The following FAF1 variants were observed in gnomAD, a reference collection of about 807,000 sequenced individuals.
FAF1 encodes Fas associated factor 1.
A neutral mutation model predicts 92.5 loss-of-function variants in FAF1; 25 were observed. That is an observed-to-expected ratio of 0.27 (90% confidence interval 0.20 to 0.38). The LOEUF (loss-of-function observed/expected upper bound fraction) is 0.38. FAF1 is among the 10% of genes least tolerant of loss of function. The pLI is 1.00. For synonymous variants in FAF1, 234 were observed against 273.2 expected, an observed-to-expected ratio of 0.86 and a Z score of 1.42; for missense variants, 636 against 793.3, an observed-to-expected ratio of 0.80 and a Z score of 2.38.
chr1:50,603,839 T>C (rs1652257946), intron 8 of FAF1, among the ~76,000 whole-genome samples: 1 of 152,222 alleles, frequency 6.6e-6, no homozygotes, highest in African/African-American at 2.4e-5. Flanking sequence ...AAGTGACTAA[T>C]AATATTCTGG....
intron 8 of FAF1, among the ~76,000 whole-genome samples, chr1:50,645,862 T>A (rs1654553956): frequency 6.6e-6 from 1 of 151,480 alleles, no homozygotes; most frequent in Non-Finnish European, 1.5e-5. Flanking sequence ...AAAAAATAAA[T>A]CGGTGTGAAT....
chr1:50,932,593 C>T (rs1160983167), intron 1 of FAF1, among the ~76,000 whole-genome samples: 1 of 152,226 alleles, frequency 6.6e-6, no homozygotes, highest in Non-Finnish European at 1.5e-5. Context: ...GGTGCTTTCA[C>T]AGGCTGGCAC....
intron 3 of FAF1, among the ~76,000 whole-genome samples, chr1:50,792,719 AGGGAATCTGTAT>A (rs1259850650): frequency 6.6e-6 from 1 of 152,232 alleles, no homozygotes; most frequent in Admixed American, 6.5e-5. Context: ...TACATTAGTA[AGGGAATCTGTAT>A]TTGAAAAACT....
chr1:50,515,517 A>G (rs868612565), intron 15 of FAF1, among the ~76,000 whole-genome samples: 46 of 152,316 alleles, frequency 3.0e-4, no homozygotes, highest in African/African-American at 1.1e-3. Flanking sequence ...CTCAAAGACC[A>G]TAGTTTGAAA....
chr1:50,441,987 T>A (rs906403108), intron 18 of FAF1, among the ~76,000 whole-genome samples: 2 of 151,428 alleles, frequency 1.3e-5, no homozygotes, highest in Non-Finnish European at 2.9e-5. Context: ...ACGATGAAGA[T>A]CTCCCCTGGT....
chr1:50,920,775 G>A (rs1644956103), intron 1 of FAF1, among the ~76,000 whole-genome samples: 1 of 152,080 alleles, frequency 6.6e-6, no homozygotes, highest in Non-Finnish European at 1.5e-5. Flanking sequence ...ATCAGCAGAA[G>A]GACATCTATG....
intron 17 of FAF1, among the ~76,000 whole-genome samples, chr1:50,478,865 A>T (rs1051535634): frequency 6.6e-5 from 10 of 152,190 alleles, no homozygotes; most frequent in Non-Finnish European, 1.3e-4. Context: ...TAATTGTTTT[A>T]AAGTTTTTAT....
intron 8 of FAF1, among the ~76,000 whole-genome samples, chr1:50,610,407 T>C (rs1652635055): frequency 6.6e-6 from 1 of 152,246 alleles, no homozygotes. Context: ...AGTTTTCTGT[T>C]ATTAAAACTA....
chr1:50,953,595 A>G (rs1377955312), intron 1 of FAF1, among the ~76,000 whole-genome samples: 1 of 151,856 alleles, frequency 6.6e-6, no homozygotes, highest in African/African-American at 2.4e-5. Context: ...AAAATTAGCC[A>G]GGCGTAGTTG....
rs978052014 is a variant in FAF1, at chr1:50,909,521, G to T, written c.45+50246C>A. Among the ~76,000 whole-genome samples, 7 of 152,300 alleles carry T rather than the reference G, an allele frequency of 4.6e-5. No individual in the cohort carries two copies. The East Asian group carries it at 1.3e-3, about 29-fold the overall frequency. On this transcript the variant is annotated intron_variant, in intron 1 of 18. Coordinates refer to ENST00000396153, the MANE Select transcript of FAF1 (RefSeq NM_007051.3). Reference sequence around the variant, plus strand: ...TCACTTTCAGGTACACCAATCAGATGCAGATTTGGTCTTTTCACATAGTCC... The same window carrying T: ...TCACTTTCAGGTACACCAATCAGATTCAGATTTGGTCTTTTCACATAGTCC...
chr1:50,706,320 A>C (rs891585570), intron 6 of FAF1, among the ~76,000 whole-genome samples: 1 of 152,204 alleles, frequency 6.6e-6, no homozygotes, highest in Non-Finnish European at 1.5e-5. Context: ...TATATTCATG[A>C]ATCTGATTTC....
At chr1:50,474,184 G>A (rs1646609360) in intron 18 of FAF1, among the ~76,000 whole-genome samples, 1 of 152,102 alleles carries the variant, frequency 6.6e-6, no homozygotes, top group Non-Finnish European at 1.5e-5. Context: ...TTCTGCCCCT[G>A]CAGCCTCAAA....
chr1:50,480,156 T>C (rs1019466514), intron 17 of FAF1, among the ~76,000 whole-genome samples: 2 of 152,174 alleles, frequency 1.3e-5, no homozygotes, highest in African/African-American at 4.8e-5. Flanking sequence ...TACTTTTTTT[T>C]CTACTAAAAA....
chr1:50,865,849 GAA>G (rs1319117548), intron 1 of FAF1, among the ~76,000 whole-genome samples: 1 of 124,914 alleles, frequency 8.0e-6, no homozygotes, highest in African/African-American at 2.9e-5. Flanking sequence ...AATAATAAAA[GAA>G]AAAAAAAAAG....
At chr1:50,610,743 C>T (rs542999174) in intron 8 of FAF1, among the ~76,000 whole-genome samples, 16 of 152,114 alleles carry the variant, frequency 1.1e-4, no homozygotes, top group Non-Finnish European at 2.2e-4. Flanking sequence ...TGGGAAGCCA[C>T]ACCCCTCACA....
intron 4 of FAF1, among the ~76,000 whole-genome samples, chr1:50,776,558 C>CA (rs1557522065): frequency 6.6e-6 from 1 of 150,736 alleles, no homozygotes. Context: ...AATAGTCCAT[C>CA]AAAAAAAAGA....
chr1:50,462,838 C>T (rs1312343159), intron 18 of FAF1, among the ~76,000 whole-genome samples: 1 of 152,182 alleles, frequency 6.6e-6, no homozygotes, highest in Non-Finnish European at 1.5e-5. Context: ...TGGGAAGTTT[C>T]CCTGTTTATA....
intron 6 of FAF1, among the ~76,000 whole-genome samples, chr1:50,721,300 C>T (rs1013687093): frequency 6.6e-5 from 10 of 152,014 alleles, no homozygotes; most frequent in Non-Finnish European, 1.2e-4. Context: ...CTGCAACCTC[C>T]GCCTCCCAGG....
chr1:50,462,870 C>T (rs1646449815), intron 18 of FAF1, among the ~76,000 whole-genome samples: 2 of 152,164 alleles, frequency 1.3e-5, no homozygotes, highest in African/African-American at 2.4e-5. Context: ...ACATATCTAG[C>T]AGTAAACTCC....
Sources: allele counts gnomAD v4.1 joint callset (sites outside exome capture counted in the v4.1 genomes callset), GRCh38; gene constraint gnomAD v4.1.1; transcripts MANE v1.5; gene names NCBI Gene and HGNC (gene_info 2026-07-23, HGNC 2026-07-21).